ZNF611: variants seen among roughly 807,000 people sequenced by gnomAD.
The protein encoded by ZNF611 is zinc finger protein 611.
A neutral mutation model predicts 8.9 loss-of-function variants in ZNF611; 6 were observed. That is an observed-to-expected ratio of 0.68 (90% CI 0.37 to 1.34). ZNF611 has a LOEUF of 1.34. ZNF611 is among the 40% of genes most tolerant of loss of function. The pLI is 0.02. For synonymous variants in ZNF611, 262 were observed against 279.7 expected (o/e 0.94, Z 0.63); for missense variants, 874 against 841.3 (o/e 1.04, Z -0.48).
At chr19:52,719,186 G>A (rs73576358) in intron 3 of ZNF611, among the ~76,000 whole-genome samples, 5,744 of 151,902 alleles carry the variant, frequency 0.038, 343 homozygotes, top group African/African-American at 0.13. Flanking sequence ...AAAAATAAAT[G>A]AATAAAAACA....
chr19:52,725,725 C>A (rs1039087691), intron 3 of ZNF611, among the ~76,000 whole-genome samples: 17 of 152,160 alleles, frequency 1.1e-4, no homozygotes, highest in Admixed American at 1.1e-3. Context: ...AACTCACGCG[C>A]CTCGGTAGGA....
In ZNF611 at chr19:52,728,831, T is replaced by G. The variant is rs972267300; in HGVS notation, c.-121A>C. Reference sequence around the variant, plus strand: ...TTTCATCAAGCATTTGGAAGAGATATCTACAAAATATAAACACCAATACGT... The same window carrying G: ...TTTCATCAAGCATTTGGAAGAGATAGCTACAAAATATAAACACCAATACGT... On this transcript the variant is annotated splice_region_variant and 5_prime_UTR_variant, in exon 3 of 6. Coordinates refer to ENST00000652185, the MANE Select transcript of ZNF611 (RefSeq NM_001161499.2). The G allele has an allele frequency of 5.6e-6, 1 of 179,840 alleles. No individual in the cohort carries two copies. Among genetic ancestry groups the G allele is most frequent in the African/African-American group, 2.4e-5 (1 of 41,988 alleles). 11.1% of individuals were successfully genotyped at this position (179,840 alleles called of 1,614,324 possible). A position where few individuals can be genotyped will look rare whatever the true frequency, so the allele number is the denominator to read the frequency against.
chr19:52,706,381 T>G lies in ZNF611; in HGVS notation c.674A>C (p.His225Pro), dbSNP rs754525066. ...SSLLPQKQEV[H>P]MREKSFQCNK... Reference sequence around the variant, plus strand: ...ACATTGGAAAGATTTTTCTCTCATGTGTACTTCCTGTTTTTGTGGGAGTAA... The same window carrying G: ...ACATTGGAAAGATTTTTCTCTCATGGGTACTTCCTGTTTTTGTGGGAGTAA... The change falls in exon 6 of 6, where the codon CAC (histidine) becomes CCC (proline). Residue 225 changes from histidine (H) to proline (P), a missense_variant. Transcript: ENST00000652185. 3 of 1,614,246 alleles carry G rather than the reference T, an allele frequency of 1.9e-6. No individual in the cohort carries two copies. The South Asian group carries it at 3.3e-5, about 18-fold the overall frequency.
intron 3 of ZNF611, among the ~76,000 whole-genome samples, chr19:52,722,802 C>G (rs939777828): frequency 1.3e-5 from 2 of 152,104 alleles, no homozygotes; most frequent in Admixed American, 6.6e-5. Context: ...ATGATCTCTG[C>G]TCACAGCAGC....
intron 3 of ZNF611, among the ~76,000 whole-genome samples, chr19:52,719,881 A>G (rs2147435169): frequency 6.6e-6 from 1 of 152,334 alleles, no homozygotes; most frequent in East Asian, 1.9e-4. Context: ...ACGTGAATGA[A>G]GGTCTCTGGT....
intron 3 of ZNF611, among the ~76,000 whole-genome samples, chr19:52,722,905 GTTTTTTTTTT>G (rs372056346): frequency 2.5e-5 from 3 of 120,010 alleles, no homozygotes; most frequent in South Asian, 2.9e-4. Context: ...TTTTGTTTTC[GTTTTTTTTTT>G]TTTTTTTTTG....
chr19:52,718,937 C>T (rs928521244), intron 3 of ZNF611, among the ~76,000 whole-genome samples: 1 of 152,160 alleles, frequency 6.6e-6, no homozygotes, highest in Non-Finnish European at 1.5e-5. Flanking sequence ...CTTTGGGAGG[C>T]CAAGGCGGGT....
At chr19:52,719,914 G>A (rs1289959718) in intron 3 of ZNF611, among the ~76,000 whole-genome samples, 3 of 152,166 alleles carry the variant, frequency 2.0e-5, no homozygotes, top group South Asian at 2.1e-4. Context: ...AGGTCCCTGC[G>A]GCCTTCCGCA....
intron 5 of ZNF611, among the ~76,000 whole-genome samples, chr19:52,712,675 CAT>C (rs1007985071): frequency 2.6e-4 from 40 of 151,370 alleles, no homozygotes; most frequent in African/African-American, 9.7e-4. Flanking sequence ...CTTTAATAGA[CAT>C]ATGGTTTTGC....
In ZNF611 at chr19:52,704,941, G is replaced by A. The variant is rs764955165; in HGVS notation, c.2114C>T (p.Pro705Leu). The A allele has an allele frequency of 6.8e-6, 11 of 1,613,774 alleles. No homozygotes were observed. The African/African-American group carries it at 1.2e-4, about 18-fold the overall frequency. Residue 705 changes from proline to leucine, a missense_variant, in exon 6 of 6, where the codon CCT becomes CTT. Pro to Leu is a moderately conservative substitution (Grantham distance 98). Coordinates refer to ENST00000652185, the MANE Select transcript of ZNF611 (RefSeq NM_001161499.2). ...RHHRIHTGEK[P>L] ...TTTGTCACATGCTTCACATTTCTAA[G>A]GTTTCTCTCCAGTATGAATTCTATG... is the stretch of plus-strand genomic sequence containing the variant.
Position 52,706,096 on chromosome 19 carries a change from C to T in ZNF611, c.959G>A (p.Cys320Tyr), listed in dbSNP as rs748947915. 3.0e-5 allele frequency: 49 copies of T among 1,614,040 alleles called. No individual in the cohort carries two copies. The South Asian group carries it at 4.9e-4, about 16-fold the overall frequency. The change falls in exon 6 of 6, where the codon TGT becomes TAT. Residue 320 changes from cysteine (C) to tyrosine (Y), a missense_variant. Transcript: ENST00000652185. ...TGAATTTTGACCAAAGATCTTGCCA[C>T]ACTCATTACAATTGTAACGTTTTAC... ...TGVKRYNCNECGKIFGQNSAL... is the reference protein window; with the variant it reads ...TGVKRYNCNEYGKIFGQNSAL...
At chr19:52,732,343 T>C (rs542415600) in intron 1 of ZNF611, among the ~76,000 whole-genome samples, 1 of 117,422 alleles carries the variant, frequency 8.5e-6, no homozygotes, top group Admixed American at 8.3e-5. Context: ...TGAGTTATTC[T>C]GAATAACTCA....
At position 52,704,336 on chromosome 19, in the gene ZNF611, C is replaced by A; in HGVS notation, c.*601G>T. 1.7e-6 allele frequency: 1 copy of A among 603,028 alleles called. No homozygotes were observed. Among genetic ancestry groups the A allele is most frequent in the South Asian group, 1.4e-5 (1 of 71,096 alleles). The allele number at this position is 603,028 out of a possible 1,614,324, so 37.4% of individuals were successfully genotyped here. ...AGTGATCTTGGACTGAAGACCTTGC[C>A]ACACTGATGACATTTGTAAGATTTC... On this transcript the variant is annotated 3_prime_UTR_variant, in exon 6 of 6. Coordinates refer to ENST00000652185, the MANE Select transcript of ZNF611 (RefSeq NM_001161499.2).
chr19:52,730,281 A>C (rs1257078053), intron 1 of ZNF611, among the ~76,000 whole-genome samples: 1 of 149,098 alleles, frequency 6.7e-6, no homozygotes, highest in Non-Finnish European at 1.5e-5. Flanking sequence ...AGTCTCAGCT[A>C]CTCGGGAGGC....
intron 1 of ZNF611, among the ~76,000 whole-genome samples, chr19:52,732,700 T>C (rs1377616932): frequency 6.6e-6 from 1 of 151,258 alleles, no homozygotes; most frequent in African/African-American, 2.4e-5. Context: ...ATCCCAGTAA[T>C]TTGGGAGGCC....
intron 1 of ZNF611, among the ~76,000 whole-genome samples, chr19:52,733,628 G>A (rs2062439118): frequency 2.0e-5 from 3 of 151,974 alleles, no homozygotes; most frequent in South Asian, 4.1e-4. Flanking sequence ...TCATTACTGT[G>A]CTTCCCTCCC....
intron 1 of ZNF611, among the ~76,000 whole-genome samples, chr19:52,730,348 C>A (rs1277887728): frequency 2.3e-5 from 3 of 129,978 alleles, no homozygotes; most frequent in African/African-American, 5.8e-5. Flanking sequence ...GCCGAGATTG[C>A]ATCACTGCAC....
At chr19:52,709,731 C>G (rs931883617) in intron 5 of ZNF611, among the ~76,000 whole-genome samples, 2 of 151,886 alleles carry the variant, frequency 1.3e-5, no homozygotes, top group Admixed American at 1.3e-4. Context: ...CCACTCCCGG[C>G]TAATTTTGTA....
At chr19:52,733,844 A>C (rs969979379) in intron 1 of ZNF611, among the ~76,000 whole-genome samples, 3 of 151,564 alleles carry the variant, frequency 2.0e-5, no homozygotes, top group East Asian at 1.9e-4. Flanking sequence ...CCAATCTTTC[A>C]ATCGTCCTCA....
Sources: gnomAD v4.1 joint callset for allele counts (sites outside exome capture counted in the v4.1 genomes callset) on GRCh38, gnomAD v4.1.1 for gene constraint, MANE v1.5 for transcripts, NCBI Gene and HGNC (gene_info 2026-07-23, HGNC 2026-07-21) for gene names.